The following PIK3C2A variants were observed in gnomAD, a reference collection of about 807,000 sequenced individuals.
The protein encoded by PIK3C2A is phosphatidylinositol-4-phosphate 3-kinase catalytic subunit type 2 alpha.
Under a neutral mutation model 204.5 loss-of-function variants are expected in PIK3C2A, and 97 were observed. The ratio of observed to expected loss-of-function variants is 0.47; its 90% CI spans 0.40 to 0.56. PIK3C2A has a LOEUF of 0.56. Ranked by LOEUF, PIK3C2A falls within the 20% of genes least tolerant of loss-of-function variation. The pLI, the probability that PIK3C2A is intolerant of heterozygous loss-of-function variation, is 0.00. For synonymous variants in PIK3C2A, 653 were observed against 664.4 expected (o/e 0.98, Z 0.26); for missense variants, 1,735 against 1,969.2 (o/e 0.88, Z 2.25).
intron 1 of PIK3C2A, among the ~76,000 whole-genome samples, chr11:17,195,858 T>C (rs1035769085): frequency 1.3e-5 from 2 of 151,286 alleles, no homozygotes; most frequent in Non-Finnish European, 2.9e-5. Flanking sequence ...GCTAACATGG[T>C]GAAACCCCAT....
At chr11:17,111,578 A>C (rs1055172253) in intron 21 of PIK3C2A, among the ~76,000 whole-genome samples, 2 of 152,158 alleles carry the variant, frequency 1.3e-5, no homozygotes, top group African/African-American at 4.8e-5. Context: ...AATTTGCCTT[A>C]AAAAATATTA....
chr11:17,167,951 AAC>A (rs1851024473), intron 2 of PIK3C2A, among the ~76,000 whole-genome samples: 2 of 152,154 alleles, frequency 1.3e-5, no homozygotes, highest in Admixed American at 1.3e-4. Flanking sequence ...CATGGTTAAA[AAC>A]AACAAAACAA....
At chr11:17,092,381 A>G in intron 28 of PIK3C2A, 105 bp from the exon 29 acceptor site, 1 of 682,112 alleles carries the variant, frequency 1.5e-6, no homozygotes, top group South Asian at 1.8e-5. Flanking sequence ...TTAATCCATT[A>G]TAAAGTAATA....
intron 1 of PIK3C2A, among the ~76,000 whole-genome samples, chr11:17,183,588 G>A (rs548463355): frequency 6.6e-6 from 1 of 152,282 alleles, no homozygotes; most frequent in African/African-American, 2.4e-5. Flanking sequence ...GGCTGAGGCA[G>A]GAGAATCCCT....
At chr11:17,196,812 C>T (rs1331139334) in intron 1 of PIK3C2A, among the ~76,000 whole-genome samples, 7 of 151,946 alleles carry the variant, frequency 4.6e-5, no homozygotes, top group Non-Finnish European at 8.8e-5. Context: ...CCTCGTGATC[C>T]GCCCACCTTG....
In PIK3C2A at chr11:17,184,928, G is replaced by A. The variant is rs12290804; in HGVS notation, c.-65-15122C>T. Among the ~76,000 whole-genome samples the A allele has an allele frequency of 7.1e-3, 1,081 of 152,058 alleles. 22 individuals carry two copies. Among genetic ancestry groups the A allele is most frequent in the African/African-American group, 0.025 (1,032 of 41,482 alleles). The stretch of plus-strand genomic sequence containing the variant: ...ATTGCACTAGCCTGATCAACAGAGT[G>A]AGACTGTCTAAAAAAGATTTTTTTT... On this transcript the variant is annotated intron_variant, in intron 1 of 32. Coordinates refer to ENST00000691414, the MANE Select transcript of PIK3C2A (RefSeq NM_002645.4).
chr11:17,165,575 A>G (rs1405129361), intron 2 of PIK3C2A, among the ~76,000 whole-genome samples: 1 of 151,884 alleles, frequency 6.6e-6, no homozygotes, highest in African/African-American at 2.4e-5. Context: ...CGGGAGTTTG[A>G]GACCAATCTG....
At chr11:17,186,687 T>C (rs1851763657) in intron 1 of PIK3C2A, among the ~76,000 whole-genome samples, 4 of 152,358 alleles carry the variant, frequency 2.6e-5, no homozygotes, top group African/African-American at 7.2e-5. Context: ...GGAATTCTTC[T>C]TCAGAGCCAC....
At chr11:17,192,063 T>C (rs967124175) in intron 1 of PIK3C2A, among the ~76,000 whole-genome samples, 1 of 151,800 alleles carries the variant, frequency 6.6e-6, no homozygotes, top group Non-Finnish European at 1.5e-5. Context: ...CAGGAAAGCT[T>C]GAGCCCAGGA....
At chr11:17,206,181 G>A (rs214901) in intron 1 of PIK3C2A, among the ~76,000 whole-genome samples, 88,624 of 151,998 alleles carry the variant, frequency 0.58, 26,146 homozygotes, top group East Asian at 0.82. Flanking sequence ...GAAAACTGCA[G>A]GAAACACGCA....
rs1849030317 is a variant in PIK3C2A at position 17,112,382 on chromosome 11, TG to T, written c.3414+191del. Reference sequence around the variant, plus strand: ...GCAGGAGAATCACTTGAACCCAGGATGTGGAGGTTGCAGTAAGCCGAGATGG... The same window carrying T: ...GCAGGAGAATCACTTGAACCCAGGATTGGAGGTTGCAGTAAGCCGAGATGG... On this transcript the variant is annotated intron_variant, in intron 21 of 32. Coordinates refer to ENST00000691414, the MANE Select transcript of PIK3C2A (RefSeq NM_002645.4). Among the ~76,000 whole-genome samples, 6 of 151,980 alleles carry T rather than the reference TG, an allele frequency of 3.9e-5. No individual in the cohort carries two copies. The South Asian group carries it at 1.2e-3, about 32-fold the overall frequency.
At chr11:17,107,999 C>A (rs908785762) in intron 22 of PIK3C2A, among the ~76,000 whole-genome samples, 1 of 152,180 alleles carries the variant, frequency 6.6e-6, no homozygotes, top group African/African-American at 2.4e-5. Flanking sequence ...AGCCTCCCAG[C>A]AGCCAGGACT....
chr11:17,101,747 G>GC (rs1848630839), intron 24 of PIK3C2A, among the ~76,000 whole-genome samples: 1 of 151,612 alleles, frequency 6.6e-6, no homozygotes, highest in African/African-American at 2.4e-5. Context: ...GGGACCACAG[G>GC]GGCCCGCCAC....
intron 1 of PIK3C2A, among the ~76,000 whole-genome samples, chr11:17,203,273 G>A (rs750789378): frequency 2.0e-5 from 3 of 151,176 alleles, no homozygotes; most frequent in South Asian, 4.2e-4. Context: ...TGGGAGGATC[G>A]CTTGAGGCCA....
At position 17,099,745 on chromosome 11, in the gene PIK3C2A, C is replaced by G. The variant is rs992112099; in HGVS notation, c.4118+115G>C. 7.3e-6 allele frequency: 4 copies of G among 546,824 alleles called. No homozygotes were observed. In the Admixed American group the frequency reaches 1.4e-4, roughly 19 times the overall value. The allele number at this position is 546,824 out of a possible 1,614,324, so 33.9% of individuals were successfully genotyped here. A position where few individuals can be genotyped will look rare whatever the true frequency, so the allele number is the denominator to read the frequency against. Reference sequence around the variant, plus strand: ...CCTACTATGTGCAATTACTATGAATCAGAATTTGTTCCTATAAATTAGAAT... The same window carrying G: ...CCTACTATGTGCAATTACTATGAATGAGAATTTGTTCCTATAAATTAGAAT... On this transcript the variant is annotated intron_variant, in intron 26 of 32. Transcript: ENST00000691414.
At chr11:17,165,218 A>G (rs1047034827) in intron 2 of PIK3C2A, among the ~76,000 whole-genome samples, 1 of 152,158 alleles carries the variant, frequency 6.6e-6, no homozygotes, top group Non-Finnish European at 1.5e-5. Flanking sequence ...CTGAGTATGA[A>G]TAAACTTTAA....
In PIK3C2A at chr11:17,117,487, A is replaced by G; in HGVS notation, c.3216+4T>C. 1.9e-6 allele frequency: 3 copies of G among 1,601,292 alleles called. No individual in the cohort carries two copies. Among genetic ancestry groups the G allele is most frequent in the Non-Finnish European group, 2.6e-6 (3 of 1,169,050 alleles). On this transcript the variant is annotated splice_donor_region_variant and intron_variant, in intron 19 of 32. Coordinates refer to ENST00000691414, the MANE Select transcript of PIK3C2A (RefSeq NM_002645.4). Reference sequence around the variant, plus strand: ...CATTTATATTACCTTTTATGGGTACATACCTGTCTGGCTGATCCACTAGCC... The same window carrying G: ...CATTTATATTACCTTTTATGGGTACGTACCTGTCTGGCTGATCCACTAGCC...
chr11:17,122,105 A>C lies in PIK3C2A; in HGVS notation c.2657+83T>G, dbSNP rs1849384908. ...AAGAAAGCTGATAAATCATGAACAG[A>C]ATCAGGTTATTTAATGTAAGTCCTA... On this transcript the variant is annotated intron_variant, in intron 15 of 32. Transcript: ENST00000691414. 5.1e-6 allele frequency: 4 copies of C among 791,754 alleles called. No individual in the cohort carries two copies. In the Admixed American group the frequency reaches 7.6e-5, roughly 15 times the overall value. 49.0% of individuals were successfully genotyped at this position (791,754 alleles called of 1,614,324 possible).
At chr11:17,171,164 T>TTTCCTAATTTTTAAAATAAAA (rs1565289654) in intron 1 of PIK3C2A, among the ~76,000 whole-genome samples, 1 of 152,200 alleles carries the variant, frequency 6.6e-6, no homozygotes, top group Non-Finnish European at 1.5e-5. Flanking sequence ...TATGTCTTAG[T>TTTCCTAATTTTTAAAATAAAA]TTCCTAATTT....
Sources: gnomAD v4.1 joint callset for allele counts (sites outside exome capture counted in the v4.1 genomes callset) on GRCh38, gnomAD v4.1.1 for gene constraint, MANE v1.5 for transcripts, NCBI Gene and HGNC (gene_info 2026-07-23, HGNC 2026-07-21) for gene names.